Variants in MAPK8IP3 observed in about 807,000 individuals in gnomAD.
The protein encoded by MAPK8IP3 is mitogen-activated protein kinase 8 interacting protein 3, also known as C-Jun-amino-terminal kinase-interacting protein 3.
A neutral mutation model predicts 157.8 loss-of-function variants in MAPK8IP3; 49 were observed. The observed-to-expected ratio is 0.31, with a 90% CI of 0.25 to 0.39. The LOEUF (loss-of-function observed/expected upper bound fraction) is 0.39, where lower values mean the gene tolerates loss of function less well. Among genes scored for constraint, MAPK8IP3 ranks in the 10% least tolerant of loss-of-function variants. MAPK8IP3 has a pLI of 1.00. For missense variants in MAPK8IP3, 1,478 were observed against 1,889.4 expected (o/e 0.78, Z 4.04); for synonymous variants, 897 against 777.7 (o/e 1.15, Z -2.55).
intron 20 of MAPK8IP3, among the ~76,000 whole-genome samples, chr16:1,765,465 C>T (rs367741539): frequency 1.3e-5 from 2 of 152,190 alleles, no homozygotes; most frequent in Non-Finnish European, 2.9e-5. Flanking sequence ...AAGCATCACT[C>T]GGAGACCACA....
intron 13 of MAPK8IP3, 64 bp from the exon 14 acceptor site, chr16:1,762,287 G>A (rs1669921632): frequency 6.6e-6 from 10 of 1,505,654 alleles, no homozygotes; most frequent in Non-Finnish European, 8.9e-6. Flanking sequence ...AGGCACCCCA[G>A]GAGGAAGCAG....
chr16:1,760,297 G>T, intron 11 of MAPK8IP3, 83 bp from the exon 12 acceptor site: 1 of 1,517,528 alleles, frequency 6.6e-7, no homozygotes, highest in Non-Finnish European at 8.9e-7. Flanking sequence ...CTCCAGGGCG[G>T]AAGTGCAGGC....
intron 20 of MAPK8IP3, among the ~76,000 whole-genome samples, chr16:1,765,626 G>A (rs1431012024): frequency 1.3e-5 from 2 of 152,200 alleles, no homozygotes; most frequent in Non-Finnish European, 2.9e-5. Flanking sequence ...AAGGGGTGCC[G>A]AGGGCTCTGC....
chr16:1,757,018 A>G (rs994951128), intron 8 of MAPK8IP3, among the ~76,000 whole-genome samples: 2 of 151,734 alleles, frequency 1.3e-5, no homozygotes, highest in Non-Finnish European at 2.9e-5. Context: ...AGCCGAGATG[A>G]GAGAGAAGGA....
chr16:1,739,462 T>C (rs1338402404), intron 4 of MAPK8IP3, among the ~76,000 whole-genome samples: 9 of 63,086 alleles, frequency 1.4e-4, no homozygotes, highest in Non-Finnish European at 9.1e-5. Context: ...CCGTGTGAGC[T>C]TCCGTGTGAC....
In MAPK8IP3 at chr16:1,733,496, G is replaced by A. The variant is rs192671531; in HGVS notation, c.602+3918G>A. Among the ~76,000 whole-genome samples the A allele has an allele frequency of 1.2e-3, 178 of 152,352 alleles. 1 individual carries two copies. The highest frequency in any genetic ancestry group is 1.6e-3 in the Non-Finnish European group (112 of 68,036). ...GGCCAGGCCTACCTGGAAGAGGCGC[G>A]TGGCTGCGGGGCAAGGAGTACTTCG... On this transcript the variant is annotated intron_variant, in intron 4 of 31. Coordinates refer to ENST00000610761, the MANE Select transcript of MAPK8IP3 (RefSeq NM_001318852.2).
In MAPK8IP3 at chr16:1,751,132, C is replaced by T. The variant is rs528065839; in HGVS notation, c.1216+2412C>T. 4.6e-5 allele frequency among the ~76,000 whole-genome samples: 7 copies of T among 152,230 alleles called. No homozygotes were observed. In the East Asian group the frequency reaches 1.2e-3, roughly 25 times the overall value. On this transcript the variant is annotated intron_variant, in intron 8 of 31. Transcript: ENST00000610761. The surrounding 1 kb of genome is among the most constrained non-coding windows in gnomAD (Gnocchi z 5.0). ...GTCGGTCCTTACTGCAGCATCAAGC[C>T]GCCCTCCTGCCAGTGTCCCCATTTA...
At chr16:1,719,369 T>C (rs991667340) in intron 1 of MAPK8IP3, among the ~76,000 whole-genome samples, 1 of 151,460 alleles carries the variant, frequency 6.6e-6, no homozygotes, top group African/African-American at 2.4e-5. Context: ...AAAAAATAAA[T>C]ATGTATGTCG....
intron 1 of MAPK8IP3, among the ~76,000 whole-genome samples, chr16:1,721,953 T>A (rs1444520786): frequency 6.6e-6 from 1 of 151,136 alleles, no homozygotes. Flanking sequence ...TTATTTTTAG[T>A]AGAAACGGGG....
intron 2 of MAPK8IP3, among the ~76,000 whole-genome samples, chr16:1,727,316 C>A (rs1479457940): frequency 6.7e-6 from 1 of 148,996 alleles, no homozygotes; most frequent in Admixed American, 6.7e-5. Flanking sequence ...GTGTCGTGTG[C>A]TGTGTGCGGC....
intron 3 of MAPK8IP3, 72 bp downstream of exon 3, chr16:1,729,280 C>T (rs931571549): frequency 3.3e-6 from 5 of 1,532,478 alleles, no homozygotes; most frequent in East Asian, 2.3e-5. Flanking sequence ...GCGACTCTTG[C>T]GGACCGTGGT....
In MAPK8IP3 at chr16:1,706,762, C is replaced by G; in HGVS notation, c.318+105C>G. On this transcript the variant is annotated intron_variant, in intron 1 of 31. Transcript: ENST00000610761. The surrounding 1 kb of genome is among the most constrained non-coding windows in gnomAD (Gnocchi z 5.1). Reference sequence around the variant, plus strand: ...CGACCCCAGACCCCGCTCCGGCACCCCGGACCGCGGGACCCCTGGACCCCC... The same window carrying G: ...CGACCCCAGACCCCGCTCCGGCACCGCGGACCGCGGGACCCCTGGACCCCC... 7.8e-7 allele frequency: 1 copy of G among 1,285,564 alleles called. No homozygotes were observed. Among genetic ancestry groups the G allele is most frequent in the Non-Finnish European group, 1.0e-6 (1 of 970,708 alleles). 79.6% of individuals were successfully genotyped at this position (1,285,564 alleles called of 1,614,324 possible).
At chr16:1,727,257 G>C (rs780473374) in intron 2 of MAPK8IP3, among the ~76,000 whole-genome samples, 3 of 150,930 alleles carry the variant, frequency 2.0e-5, no homozygotes, top group Non-Finnish European at 4.4e-5. Context: ...GTGTGACTCT[G>C]CTGTGTGTAG....
intron 8 of MAPK8IP3, chr16:1,748,963 G>A (rs1313530067): frequency 1.5e-5 from 10 of 659,998 alleles, no homozygotes; most frequent in East Asian, 3.1e-5. Flanking sequence ...CTGAAGTGGT[G>A]TAGTGTTTGC....
In MAPK8IP3 at chr16:1,764,393, C is replaced by T; in HGVS notation, c.2214C>T (p.Pro738=). The change falls in exon 19 of 32, where the codon CCC becomes CCT. Residue 738 remains proline, a synonymous_variant. Coordinates refer to ENST00000610761, the MANE Select transcript of MAPK8IP3 (RefSeq NM_001318852.2). ...NGVKPAPGRD[P]LTCDREGDGE... is the part of the protein sequence containing the mutation. ...TCAAGCCAGCGCCAGGCCGCGATCC[C>T]CTGACCTGCGACCGCGAAGGAGACG... The T allele has an allele frequency of 6.2e-7, 1 of 1,600,480 alleles. No individual in the cohort carries two copies. The highest frequency in any genetic ancestry group is 2.3e-5 in the East Asian group (1 of 44,316).
At chr16:1,759,034 C>T in intron 10 of MAPK8IP3, 39 bp downstream of exon 10, 1 of 1,612,542 alleles carries the variant, frequency 6.2e-7, no homozygotes, top group East Asian at 2.2e-5. Flanking sequence ...GTCGCTCCTC[C>T]ACCCCGACAT....
In MAPK8IP3 at chr16:1,706,684, A is replaced by C. The variant is rs2037404451; in HGVS notation, c.318+27A>C. 3.3e-6 allele frequency: 5 copies of C among 1,512,614 alleles called. No homozygotes were observed. Among genetic ancestry groups the C allele is most frequent in the Non-Finnish European group, 3.5e-6 (4 of 1,131,244 alleles). 93.7% of individuals were successfully genotyped at this position (1,512,614 alleles called of 1,614,324 possible). On this transcript the variant is annotated intron_variant, in intron 1 of 31. Transcript: ENST00000610761. This position sits in a 1 kb window ranked among gnomAD's most constrained non-coding sequence, Gnocchi z 5.1. The stretch of plus-strand genomic sequence containing the variant: ...TGCGTGGGCCGCGGGACCCGCCCGC[A>C]TCCCCGTCCCGGACCCCCAGCCAGC...
rs1222730877 is a variant in MAPK8IP3 at position 1,767,656 on chromosome 16, C to T, written c.3330C>T (p.Ser1110=). The T allele has an allele frequency of 6.2e-7, 1 of 1,612,642 alleles. No individual in the cohort carries two copies. Among genetic ancestry groups the T allele is most frequent in the African/African-American group, 1.3e-5 (1 of 74,918 alleles). The part of the protein sequence containing the change: ...DGVWVSIRLD[S]TLRLYHAHTH... ...TATGGGTGTCCATCCGCCTGGACTCCACCCTGAGGCTCTACCATGCACACA... is the reference window on the plus strand; with the variant it reads ...TATGGGTGTCCATCCGCCTGGACTCTACCCTGAGGCTCTACCATGCACACA... Residue 1110 remains serine, a synonymous_variant, in exon 27 of 32, where the codon TCC becomes TCT. Coordinates refer to ENST00000610761, the MANE Select transcript of MAPK8IP3 (RefSeq NM_001318852.2).
rs201885785 is a variant in MAPK8IP3 at position 1,765,923 on chromosome 16, T to G, written c.2447-37T>G. 63 of 1,568,104 alleles carry G rather than the reference T, an allele frequency of 4.0e-5. No individual in the cohort carries two copies. The East Asian group carries it at 1.4e-3, about 35-fold the overall frequency. ...TGGGCACGCCCTTGCAGTAGTGGGT[T>G]CCCCCGCACAGGCTGACGGGCCGTC... On this transcript the variant is annotated intron_variant, in intron 20 of 31. Coordinates refer to ENST00000610761, the MANE Select transcript of MAPK8IP3 (RefSeq NM_001318852.2).
Sources: gnomAD v4.1 joint callset for allele counts (sites outside exome capture counted in the v4.1 genomes callset) on GRCh38, gnomAD v4.1.1 for gene constraint, Gnocchi (gnomAD v3.1) non-coding constraint, MANE v1.5 for transcripts, NCBI Gene and HGNC (gene_info 2026-07-23, HGNC 2026-07-21) for gene names.